Variants in ATP10B observed in about 807,000 individuals in gnomAD.
ATP10B encodes ATPase phospholipid transporting 10B (putative).
ATP10B carries 122 observed loss-of-function variants against 141.2 expected under a neutral mutation model. That is an observed-to-expected ratio of 0.86 (90% CI 0.75 to 1.00). The LOEUF (loss-of-function observed/expected upper bound fraction) is 1.00. Ranked by LOEUF, ATP10B falls within the 50% of genes least tolerant of loss-of-function variation. The pLI, the probability that ATP10B is intolerant of heterozygous loss-of-function variation, is 0.00. For missense variants in ATP10B, 1,876 were observed against 1,825.3 expected (o/e 1.03, Z -0.51); for synonymous variants, 685 against 692.0 (o/e 0.99, Z 0.16).
chr5:160,638,629 G>A (rs550844662), intron 10 of ATP10B, among the ~76,000 whole-genome samples: 14 of 152,302 alleles, frequency 9.2e-5, no homozygotes, highest in Non-Finnish European at 1.9e-4. Flanking sequence ...CTTCATCACT[G>A]TAGTGGCACA....
At chr5:160,849,384 T>C (rs1306529809) in intron 1 of ATP10B, among the ~76,000 whole-genome samples, 1 of 152,102 alleles carries the variant, frequency 6.6e-6, no homozygotes, top group African/African-American at 2.4e-5. Flanking sequence ...ATACAAGTTG[T>C]TTTCAGGCTG....
At chr5:160,592,812 C>T (rs954784355) in intron 22 of ATP10B, among the ~76,000 whole-genome samples, 3 of 152,244 alleles carry the variant, frequency 2.0e-5, no homozygotes, top group African/African-American at 7.2e-5. Flanking sequence ...TCGCTGATTG[C>T]TAGCACAGCA....
intron 13 of ATP10B, among the ~76,000 whole-genome samples, chr5:160,628,431 G>A (rs1758723880): frequency 6.6e-6 from 1 of 152,246 alleles, no homozygotes; most frequent in African/African-American, 2.4e-5. Context: ...TAACCTTACA[G>A]TGGGAGTGTG....
At chr5:160,900,229 TTTTTC>T in the ATP10B span, among the ~76,000 whole-genome samples, 1 of 152,206 alleles carries the variant, frequency 6.6e-6, no homozygotes, top group Non-Finnish European at 1.5e-5. Flanking sequence ...TGATCTTTTC[TTTTTC>T]TTTTCCCATT....
intron 2 of ATP10B, among the ~76,000 whole-genome samples, chr5:160,718,344 G>A (rs527735108): frequency 1.3e-5 from 2 of 152,220 alleles, no homozygotes; most frequent in East Asian, 3.9e-4. Context: ...GTACAGCATG[G>A]CAGATTTGGG....
intron 24 of ATP10B, among the ~76,000 whole-genome samples, chr5:160,574,315 T>A (rs967414015): frequency 1.1e-4 from 17 of 152,084 alleles, no homozygotes; most frequent in Non-Finnish European, 2.5e-4. Flanking sequence ...GTGTGTATAA[T>A]CCCAGCTGCT....
intron 1 of ATP10B, among the ~76,000 whole-genome samples, chr5:160,801,496 A>G (rs1241678707): frequency 2.6e-5 from 4 of 152,208 alleles, no homozygotes; most frequent in African/African-American, 9.6e-5. Flanking sequence ...TCTAATGTCT[A>G]TCTTTCCAAT....
intron 15 of ATP10B, among the ~76,000 whole-genome samples, chr5:160,619,972 C>T (rs1172251076): frequency 6.6e-6 from 1 of 152,126 alleles, no homozygotes; most frequent in African/African-American, 2.4e-5. Flanking sequence ...GTTGAGTGTG[C>T]TTTTCTCCAA....
intron 1 of ATP10B, among the ~76,000 whole-genome samples, chr5:160,823,961 A>G (rs1435795140): frequency 6.6e-6 from 1 of 152,220 alleles, no homozygotes; most frequent in Non-Finnish European, 1.5e-5. Flanking sequence ...TATTTGGAAA[A>G]TACAAATAAG....
chr5:160,582,829 A>G (rs747124787), intron 24 of ATP10B, among the ~76,000 whole-genome samples: 18 of 152,114 alleles, frequency 1.2e-4, no homozygotes, highest in Admixed American at 2.0e-4. Flanking sequence ...CATTAAGTTT[A>G]TCTTCAATCT....
the ATP10B span, among the ~76,000 whole-genome samples, chr5:160,893,805 A>G: frequency 6.6e-6 from 1 of 152,168 alleles, no homozygotes; most frequent in African/African-American, 2.4e-5. Flanking sequence ...TCTGGCTGGC[A>G]TCTGGCGGGT....
At chr5:160,669,225 C>A (rs1291440011) in intron 7 of ATP10B, among the ~76,000 whole-genome samples, 2 of 152,194 alleles carry the variant, frequency 1.3e-5, no homozygotes, top group East Asian at 1.9e-4. Flanking sequence ...ACACATATTG[C>A]CTATGAAAGC....
At chr5:160,797,495 G>T (rs552327301) in intron 1 of ATP10B, among the ~76,000 whole-genome samples, 23 of 152,182 alleles carry the variant, frequency 1.5e-4, no homozygotes, top group African/African-American at 4.8e-4. Flanking sequence ...TTCCACTGCC[G>T]ATCTTGCCTC....
intron 2 of ATP10B, among the ~76,000 whole-genome samples, chr5:160,743,816 G>A (rs1343248580): frequency 6.6e-6 from 1 of 152,054 alleles, no homozygotes; most frequent in Non-Finnish European, 1.5e-5. Context: ...TTCACCTCAG[G>A]GGATATTTGG....
In ATP10B at chr5:160,645,958, T is replaced by C. The variant is rs2127682667; in HGVS notation, c.762-1714A>G. ...AAACTAGTCTGGCCCCAGAGTGCTA[T>C]ACTGCCACTCAATATGCCTTTTAAT... On this transcript the variant is annotated intron_variant, in intron 8 of 25. Transcript: ENST00000327245. 2.0e-5 allele frequency among the ~76,000 whole-genome samples: 3 copies of C among 152,340 alleles called. No individual in the cohort carries two copies. The South Asian group carries it at 6.2e-4, about 32-fold the overall frequency.
chr5:160,586,710 T>C (rs1209415106), intron 24 of ATP10B, among the ~76,000 whole-genome samples: 4 of 152,258 alleles, frequency 2.6e-5, no homozygotes, highest in Admixed American at 2.6e-4. Context: ...TTGATTTGCA[T>C]TTCTCTAATG....
At chr5:160,829,890 G>C (rs892583807) in intron 1 of ATP10B, among the ~76,000 whole-genome samples, 1 of 152,070 alleles carries the variant, frequency 6.6e-6, no homozygotes, top group Non-Finnish European at 1.5e-5. Flanking sequence ...GAATGATATT[G>C]TCAGCAAATA....
chr5:160,674,312 A>C (rs1345117928), intron 6 of ATP10B, among the ~76,000 whole-genome samples: 1 of 152,218 alleles, frequency 6.6e-6, no homozygotes, highest in Non-Finnish European at 1.5e-5. Context: ...TGCTTATTCT[A>C]GAATGTGGAT....
At chr5:160,576,166 C>T (rs1223635611) in intron 24 of ATP10B, among the ~76,000 whole-genome samples, 1 of 152,156 alleles carries the variant, frequency 6.6e-6, no homozygotes, top group Non-Finnish European at 1.5e-5. Flanking sequence ...GGTTCTGGGT[C>T]ATGTCTCCAT....
Sources: gnomAD v4.1 joint callset for allele counts (sites outside exome capture counted in the v4.1 genomes callset) on GRCh38, gnomAD v4.1.1 for gene constraint, MANE v1.5 for transcripts, NCBI Gene and HGNC (gene_info 2026-07-23, HGNC 2026-07-21) for gene names.